Variants in SEPTIN6 observed in about 807,000 individuals in gnomAD.
The protein encoded by SEPTIN6 is septin 6.
SEPTIN6 carries 8 observed loss-of-function variants against 33.6 expected under a neutral mutation model. The ratio of observed to expected loss-of-function variants is 0.24; its 90% CI spans 0.14 to 0.43. The LOEUF (loss-of-function observed/expected upper bound fraction) is 0.43, where lower values mean the gene tolerates loss of function less well. Among genes scored for constraint, SEPTIN6 ranks in the 20% least tolerant of loss-of-function variants. SEPTIN6 has a pLI of 1.00. For synonymous variants in SEPTIN6, 131 were observed against 140.0 expected, an observed-to-expected ratio of 0.94 and a Z score of 0.45; for missense variants, 250 against 340.8, an observed-to-expected ratio of 0.73 and a Z score of 2.10.
At chrX:119,633,580 T>G in intron 7 of SEPTIN6, 88 bp from the exon 8 acceptor site, 1 of 1,057,350 alleles carries the variant, frequency 9.5e-7, no homozygotes, top group Non-Finnish European at 1.3e-6. Flanking sequence ...TGGGTTCCTC[T>G]GTCCTCCCTT....
intron 3 of SEPTIN6, among the ~76,000 whole-genome samples, chrX:119,654,629 C>A (rs2054408468): frequency 9.0e-6 from 1 of 111,597 alleles, no homozygotes; most frequent in South Asian, 3.8e-4. Flanking sequence ...ATCACAGGAT[C>A]CTAGATTCTG....
intron 2 of SEPTIN6, among the ~76,000 whole-genome samples, chrX:119,664,185 T>C (rs1284651354): frequency 9.0e-6 from 1 of 111,519 alleles, no homozygotes; most frequent in Non-Finnish European, 1.9e-5. Flanking sequence ...GGTTTCACCA[T>C]CTTGGCCAGG....
chrX:119,689,335 C>T (rs1052411224), intron 1 of SEPTIN6, among the ~76,000 whole-genome samples: 1 of 111,835 alleles, frequency 8.9e-6, no homozygotes, highest in African/African-American at 3.2e-5. Context: ...GTCATGGAAC[C>T]TCTCGAAATA....
At chrX:119,642,503 A>G (rs5957196) in intron 5 of SEPTIN6, among the ~76,000 whole-genome samples, 32,512 of 108,842 alleles carry the variant, frequency 0.3, 4,054 homozygotes, top group African/African-American at 0.45. Flanking sequence ...GGAACAGAAT[A>G]ACTTCAAACC....
chrX:119,683,066 A>G (rs989906823), intron 1 of SEPTIN6, among the ~76,000 whole-genome samples: 1 of 111,565 alleles, frequency 9.0e-6, no homozygotes, highest in African/African-American at 3.3e-5. Flanking sequence ...CAGCCTGGCC[A>G]ACACTGGGAA....
intron 1 of SEPTIN6, among the ~76,000 whole-genome samples, chrX:119,690,723 CAAAA>C (rs772333455): frequency 8.7e-5 from 2 of 23,029 alleles, no homozygotes; most frequent in African/African-American, 2.7e-4. Flanking sequence ...GACTCCGTCT[CAAAA>C]AAAAAAAAAA....
At chrX:119,663,377 G>C in intron 3 of SEPTIN6, 105 bp downstream of exon 3, 1 of 696,384 alleles carries the variant, frequency 1.4e-6, no homozygotes, top group Non-Finnish European at 2.1e-6. Flanking sequence ...GGGAGGACAG[G>C]CTTGGGCCCG....
At chrX:119,656,198 T>C (rs906793786) in intron 3 of SEPTIN6, among the ~76,000 whole-genome samples, 1 of 112,190 alleles carries the variant, frequency 8.9e-6, no homozygotes, top group Non-Finnish European at 1.9e-5. Flanking sequence ...ACGGGGCCAA[T>C]GGCACAAAAT....
chrX:119,646,337 C>G (rs2054256986), intron 5 of SEPTIN6, among the ~76,000 whole-genome samples: 1 of 111,860 alleles, frequency 8.9e-6, no homozygotes, highest in Admixed American at 9.6e-5. Flanking sequence ...GCCCAAATGT[C>G]AATTGCCTTT....
intron 9 of SEPTIN6, 81 bp from the exon 10 acceptor site, chrX:119,625,460 G>A: frequency 1.1e-6 from 1 of 942,214 alleles, no homozygotes; most frequent in Non-Finnish European, 1.5e-6. Flanking sequence ...AACAATGAAG[G>A]GTTAGAGGTC....
intron 2 of SEPTIN6, among the ~76,000 whole-genome samples, chrX:119,666,095 A>G (rs1381963734): frequency 9.1e-6 from 1 of 109,451 alleles, no homozygotes; most frequent in Non-Finnish European, 1.9e-5. Flanking sequence ...AAAAAAAAAA[A>G]GAGTCAGTAG....
rs990527517 is a variant in SEPTIN6, at chrX:119,619,368, C to T, written c.*725G>A. On this transcript the variant is annotated 3_prime_UTR_variant, in exon 11 of 11. Coordinates refer to ENST00000394610, the MANE Select transcript of SEPTIN6 (RefSeq NM_145799.4). ...TCTCCCTTTTGCATCTGTGGGATAC[C>T]CAGAGTTAGAGAGAGGGGAAACGTC... 1.5e-5 allele frequency: 12 copies of T among 811,676 alleles called. No individual in the cohort carries two copies. The highest frequency in any genetic ancestry group is 1.8e-5 in the Non-Finnish European group (12 of 675,772). The allele number at this position is 811,676 out of a possible 1,213,427, so 66.9% of individuals were successfully genotyped here.
chrX:119,690,348 T>TACACACAC (rs1196119691), intron 1 of SEPTIN6, among the ~76,000 whole-genome samples: 2,506 of 74,871 alleles, frequency 0.033, 32 homozygotes, highest in African/African-American at 0.044. Flanking sequence ...TACATACACA[T>TACACACAC]ACACACACAC....
chrX:119,646,752 T>C, intron 5 of SEPTIN6: 1 of 290,764 alleles, frequency 3.4e-6, no homozygotes, highest in Non-Finnish European at 7.4e-6. Flanking sequence ...CTATGACAAT[T>C]GGCTGGGGTG....
At chrX:119,646,757 G>T in intron 5 of SEPTIN6, 1 of 296,035 alleles carries the variant, frequency 3.4e-6, no homozygotes. Context: ...ACAATTGGCT[G>T]GGGTGGCTGA....
intron 5 of SEPTIN6, among the ~76,000 whole-genome samples, chrX:119,642,978 G>C (rs2054180779): frequency 9.0e-6 from 1 of 111,192 alleles, no homozygotes; most frequent in South Asian, 3.8e-4. Context: ...GGGTGGAGGT[G>C]GGAAATGTTT....
At chrX:119,646,186 T>G (rs1284981579) in intron 5 of SEPTIN6, among the ~76,000 whole-genome samples, 1 of 111,576 alleles carries the variant, frequency 9.0e-6, no homozygotes, top group Non-Finnish European at 1.9e-5. Flanking sequence ...ATTGGCTGAT[T>G]TGCTCTCAAG....
intron 1 of SEPTIN6, 21 bp downstream of exon 1, chrX:119,693,055 G>A: frequency 8.5e-7 from 1 of 1,171,187 alleles, no homozygotes; most frequent in South Asian, 1.9e-5. Flanking sequence ...CCCGGCCCTG[G>A]CACCCAAGCT....
At position 119,629,345 on chromosome X, in the gene SEPTIN6, G is replaced by A; in HGVS notation, c.1253C>T (p.Thr418Ile). ...SQGSQAGGSQ[T>I]LKRDKEKKN The stretch of plus-strand genomic sequence containing the variant: ...TTTCTTCTCTTTGTCTCTCTTCAGA[G>A]TCTGTGAGCCTCCAGCCTGGGAGCC... The change falls in exon 9 of 11, where the codon ACT becomes ATT. Residue 418 changes from threonine (T) to isoleucine (I), a missense_variant. Thr to Ile is a moderately conservative substitution (Grantham distance 89, BLOSUM62 -1). Around this residue, in one of 2 missense-constraint regions of SEPTIN6, gnomAD observed 139 missense variants for 227.0 expected, o/e 0.61. Transcript: ENST00000394610. 1 of 1,211,632 alleles carries A rather than the reference G, an allele frequency of 8.3e-7. No individual in the cohort carries two copies. Among genetic ancestry groups the A allele is most frequent in the Non-Finnish European group, 1.1e-6 (1 of 895,494 alleles).
Sources: allele counts gnomAD v4.1 joint callset (sites outside exome capture counted in the v4.1 genomes callset), GRCh38; gene constraint gnomAD v4.1.1; regional missense constraint gnomAD v4.1.1; transcripts MANE v1.5; gene names NCBI Gene and HGNC (gene_info 2026-07-23, HGNC 2026-07-21).